The following CCDC81 variants were observed in gnomAD, a reference collection of about 807,000 sequenced individuals.
CCDC81 encodes the protein coiled-coil domain-containing protein 81.
In CCDC81, 79 loss-of-function variants were observed where a neutral mutation model predicts 83.7. The ratio of observed to expected loss-of-function variants is 0.94; its 90% CI spans 0.79 to 1.14. The LOEUF (loss-of-function observed/expected upper bound fraction) is 1.14. CCDC81 is among the 50% of genes most tolerant of loss of function. The pLI, the probability that CCDC81 is intolerant of heterozygous loss-of-function variation, is 0.00. For missense variants in CCDC81, 791 were observed against 778.1 expected (o/e 1.02, Z -0.20); for synonymous variants, 252 against 278.1 (o/e 0.91, Z 0.93).
chr11:86,422,985 C>T lies in CCDC81; in HGVS notation c.*270C>T. On this transcript the variant is annotated 3_prime_UTR_variant, in exon 15 of 15. Transcript: ENST00000445632. ...GCTGCACAGGGGCTGGGAATGGGAT[C>T]CAGCTTCATTATGGCTGCTGGGGTG... The T allele has an allele frequency of 2.7e-6, 1 of 369,898 alleles. No individual in the cohort carries two copies. The highest frequency in any genetic ancestry group is 4.9e-5 in the South Asian group (1 of 20,526). The allele number at this position is 369,898 out of a possible 1,614,324, so 22.9% of individuals were successfully genotyped here. A position where few individuals can be genotyped will look rare whatever the true frequency, so the allele number is the denominator to read the frequency against.
At chr11:86,405,785 C>CTTTTTTTTTTTTTTT (rs146946869) in intron 7 of CCDC81, among the ~76,000 whole-genome samples, 1 of 128,628 alleles carries the variant, frequency 7.8e-6, no homozygotes, top group Non-Finnish European at 1.7e-5. Flanking sequence ...CTTCTTTTTT[C>CTTTTTTTTTTTTTTT]TTTTTTTTTT....
intron 1 of CCDC81, among the ~76,000 whole-genome samples, chr11:86,378,011 T>C (rs1298251904): frequency 1.5e-5 from 2 of 134,384 alleles, no homozygotes; most frequent in African/African-American, 5.4e-5. Context: ...GTCCAGTTGT[T>C]CTAGCAATGT....
chr11:86,416,890 T>C (rs1948726923), intron 13 of CCDC81, among the ~76,000 whole-genome samples: 1 of 152,156 alleles, frequency 6.6e-6, no homozygotes. Flanking sequence ...TATTTATACT[T>C]GTTTTTTTTC....
intron 13 of CCDC81, among the ~76,000 whole-genome samples, chr11:86,417,718 T>C (rs1469576551): frequency 1.3e-5 from 2 of 152,132 alleles, no homozygotes; most frequent in East Asian, 3.8e-4. Context: ...GGGGCTGCTG[T>C]GTCCAATGTA....
In CCDC81 at chr11:86,412,556, A is replaced by G; in HGVS notation, c.1388A>G (p.Glu463Gly). 6.2e-7 allele frequency: 1 copy of G among 1,603,376 alleles called. No individual in the cohort carries two copies. Among genetic ancestry groups the G allele is most frequent in the South Asian group, 1.1e-5 (1 of 88,742 alleles). The stretch of plus-strand genomic sequence containing the variant: ...CGCCTGGAACAAGTGCAACTCACAG[A>G]GGAGTGAGTCCAGCTACACACGCTC... Reference protein sequence around the residue: ...MDRLEQVQLTEELAAQRAKFL... With the variant: ...MDRLEQVQLTGELAAQRAKFL... Residue 463 changes from glutamate to glycine, a missense_variant, in exon 11 of 15, where the codon GAG (glutamate) becomes GGG (glycine). Coordinates refer to ENST00000445632, the MANE Select transcript of CCDC81 (RefSeq NM_001156474.2).
intron 3 of CCDC81, among the ~76,000 whole-genome samples, chr11:86,388,118 A>G (rs996599708): frequency 5.9e-5 from 9 of 152,158 alleles, no homozygotes; most frequent in African/African-American, 1.9e-4. Flanking sequence ...AAGTTGAATA[A>G]TTCTATAAAG....
chr11:86,379,162 T>A (rs1315287970), intron 1 of CCDC81, among the ~76,000 whole-genome samples: 1 of 151,990 alleles, frequency 6.6e-6, no homozygotes, highest in African/African-American at 2.4e-5. Context: ...AGTGGTGTGA[T>A]CTTGGCTCAC....
chr11:86,407,161 A>T (rs1171447298), intron 7 of CCDC81, among the ~76,000 whole-genome samples: 6 of 152,220 alleles, frequency 3.9e-5, no homozygotes, highest in African/African-American at 1.4e-4. Context: ...ATCATGGAAC[A>T]TACTATAGAG....
In CCDC81 at chr11:86,409,304, C is replaced by T; in HGVS notation, c.1157C>T (p.Ala386Val). Residue 386 changes from alanine (A) to valine (V), a missense_variant, in exon 10 of 15, where the codon GCC (alanine) becomes GTC (valine). Coordinates refer to ENST00000445632, the MANE Select transcript of CCDC81 (RefSeq NM_001156474.2). ...ATREQNQKNA[A>V]YNLGVAEAIR... ...AGAGAACAGAATCAGAAAAATGCTG[C>T]CTATAATCTTGGAGTTGCTGAAGCT... 1.3e-6 allele frequency: 2 copies of T among 1,541,194 alleles called. No homozygotes were observed. The highest frequency in any genetic ancestry group is 1.7e-6 in the Non-Finnish European group (2 of 1,146,930).
intron 7 of CCDC81, among the ~76,000 whole-genome samples, chr11:86,402,229 A>T (rs931112062): frequency 2.0e-5 from 3 of 152,154 alleles, no homozygotes; most frequent in Non-Finnish European, 4.4e-5. Flanking sequence ...GAGAAAACCA[A>T]AAAAGCAAGA....
Position 86,387,688 on chromosome 11 carries a change from A to T in CCDC81, c.298+16A>T, listed in dbSNP as rs756744234. The T allele has an allele frequency of 1.1e-5, 17 of 1,567,772 alleles. No individual in the cohort carries two copies. The highest frequency in any genetic ancestry group is 1.5e-5 in the Non-Finnish European group (17 of 1,145,950). ...TATACTCCTGGTAAATAATTCTGAT[A>T]TGTAGGATTTTCCCAGAAGGTTACT... is the stretch of plus-strand genomic sequence containing the variant. On this transcript the variant is annotated intron_variant, in intron 3 of 14. Transcript: ENST00000445632.
intron 10 of CCDC81, 110 bp from the exon 11 acceptor site, chr11:86,412,277 G>A (rs1468127382): frequency 1.1e-5 from 10 of 890,530 alleles, no homozygotes; most frequent in Non-Finnish European, 1.4e-5. Flanking sequence ...TTGAGGGCTG[G>A]GCAAATATTA....
At chr11:86,402,243 A>G (rs1948502536) in intron 7 of CCDC81, among the ~76,000 whole-genome samples, 2 of 152,108 alleles carry the variant, frequency 1.3e-5, no homozygotes, top group African/African-American at 4.8e-5. Context: ...AGCAAGAGTT[A>G]TAAAAAATCA....
chr11:86,404,760 G>A (rs1227526082), intron 7 of CCDC81, among the ~76,000 whole-genome samples: 1 of 152,236 alleles, frequency 6.6e-6, no homozygotes, highest in Non-Finnish European at 1.5e-5. Flanking sequence ...TGTGGTCAGA[G>A]TCGAGCATTT....
intron 1 of CCDC81, among the ~76,000 whole-genome samples, chr11:86,381,754 A>T (rs1409421000): frequency 1.3e-5 from 2 of 152,140 alleles, no homozygotes; most frequent in African/African-American, 4.8e-5. Context: ...TGGAGTGGTG[A>T]CTTCCTTACA....
chr11:86,382,527 G>A (rs1438359987), intron 1 of CCDC81, among the ~76,000 whole-genome samples: 1 of 152,090 alleles, frequency 6.6e-6, no homozygotes, highest in Non-Finnish European at 1.5e-5. Context: ...GAAAGATTGC[G>A]GTTTTGGGCA....
intron 1 of CCDC81, among the ~76,000 whole-genome samples, chr11:86,385,798 G>A (rs1024875119): frequency 6.6e-6 from 1 of 152,120 alleles, no homozygotes; most frequent in Non-Finnish European, 1.5e-5. Flanking sequence ...CTTTGCTGTA[G>A]AAATATTTTC....
intron 3 of CCDC81, among the ~76,000 whole-genome samples, chr11:86,391,626 G>T (rs1474496458): frequency 6.6e-6 from 1 of 152,148 alleles, no homozygotes; most frequent in South Asian, 2.1e-4. Flanking sequence ...TGATACCCTT[G>T]TATAAGACCC....
Position 86,392,775 on chromosome 11 carries a change from C to T in CCDC81, c.533C>T (p.Ala178Val). The T allele has an allele frequency of 1.3e-6, 2 of 1,551,330 alleles. No individual in the cohort carries two copies. Among genetic ancestry groups the T allele is most frequent in the South Asian group, 2.4e-5 (2 of 83,968 alleles). ...DFLCTMDGSG[A>V]LAKALANRPG... The stretch of plus-strand genomic sequence containing the variant: ...CTTTGTACCATGGATGGAAGTGGGG[C>T]TTTGGCAAAGGCCCTAGCAAATGTA... Residue 178 changes from alanine to valine, a missense_variant, in exon 4 of 15, where the codon GCT becomes GTT. By Grantham distance (64) the Ala-to-Val change is moderately conservative. Transcript: ENST00000445632.
Sources: gnomAD v4.1 joint callset for allele counts (sites outside exome capture counted in the v4.1 genomes callset) on GRCh38, gnomAD v4.1.1 for gene constraint, MANE v1.5 for transcripts, NCBI Gene and HGNC (gene_info 2026-07-23, HGNC 2026-07-21) for gene names.